Variants in PTPRK observed in about 807,000 individuals in gnomAD.
PTPRK encodes protein tyrosine phosphatase receptor type K.
Under a neutral mutation model 178.0 loss-of-function variants are expected in PTPRK, and 75 were observed. The observed-to-expected ratio is 0.42, with a 90% CI of 0.35 to 0.51. The LOEUF is 0.51. Among genes scored for constraint, PTPRK ranks in the 20% least tolerant of loss-of-function variants. PTPRK has a pLI of 0.02. For synonymous variants in PTPRK, 637 were observed against 620.6 expected (o/e 1.03, Z -0.39); for missense variants, 1,441 against 1,797.8 (o/e 0.80, Z 3.59).
At chr6:128,059,404 GACA>G (rs1273825112) in intron 13 of PTPRK, among the ~76,000 whole-genome samples, 2 of 152,104 alleles carry the variant, frequency 1.3e-5, no homozygotes, top group Admixed American at 1.3e-4. Context: ...CATTATAAAT[GACA>G]ACATCTTAAA....
intron 2 of PTPRK, among the ~76,000 whole-genome samples, chr6:128,395,408 G>A (rs1206763068): frequency 6.6e-6 from 1 of 152,128 alleles, no homozygotes; most frequent in Non-Finnish European, 1.5e-5. Context: ...CACCGATTAA[G>A]CTGTTCATCA....
intron 1 of PTPRK, among the ~76,000 whole-genome samples, chr6:128,444,095 C>T (rs1337264776): frequency 6.6e-6 from 1 of 152,160 alleles, no homozygotes; most frequent in Non-Finnish European, 1.5e-5. Flanking sequence ...TTGTGATCCA[C>T]CTGCCTCGGC....
chr6:128,145,535 C>T (rs1175794163), intron 7 of PTPRK, among the ~76,000 whole-genome samples: 2 of 151,714 alleles, frequency 1.3e-5, no homozygotes, highest in Non-Finnish European at 2.9e-5. Flanking sequence ...ATTGTGTACT[C>T]CCCCATGAAA....
chr6:128,128,210 T>C (rs1793678252), intron 7 of PTPRK, among the ~76,000 whole-genome samples: 1 of 152,336 alleles, frequency 6.6e-6, no homozygotes, highest in South Asian at 2.1e-4. Flanking sequence ...TTTTTTAAAG[T>C]AGCTTTCAAT....
At chr6:128,232,239 A>G (rs1221494206) in intron 5 of PTPRK, 1 of 152,260 alleles carries the variant, frequency 6.6e-6, no homozygotes, top group Non-Finnish European at 1.5e-5. Flanking sequence ...AGTACTATGT[A>G]CACTTCAAGG....
intron 5 of PTPRK, among the ~76,000 whole-genome samples, chr6:128,222,736 A>G (rs896209788): frequency 6.6e-6 from 1 of 152,174 alleles, no homozygotes; most frequent in Admixed American, 6.5e-5. Flanking sequence ...GATTCTTTCA[A>G]CTTTCTATTG....
At chr6:128,233,579 T>G (rs553534400) in intron 5 of PTPRK, among the ~76,000 whole-genome samples, 4 of 152,306 alleles carry the variant, frequency 2.6e-5, no homozygotes, top group Admixed American at 2.6e-4. Flanking sequence ...TATGTGTTGC[T>G]CCATAAGGAA....
At chr6:128,107,947 A>C (rs1789992103) in intron 7 of PTPRK, among the ~76,000 whole-genome samples, 1 of 152,238 alleles carries the variant, frequency 6.6e-6, no homozygotes, top group African/African-American at 2.4e-5. Context: ...ATTTCTTTTC[A>C]TTTGTCAACC....
chr6:128,419,387 C>T (rs561715746), intron 1 of PTPRK, among the ~76,000 whole-genome samples: 2 of 152,078 alleles, frequency 1.3e-5, no homozygotes, highest in East Asian at 1.9e-4. Context: ...CCAAGGCGGG[C>T]GGATCACGAC....
chr6:128,221,651 T>C (rs1382830808), intron 5 of PTPRK, among the ~76,000 whole-genome samples: 1 of 152,158 alleles, frequency 6.6e-6, no homozygotes, highest in Non-Finnish European at 1.5e-5. Context: ...TATATGTTTC[T>C]GCATATGCAT....
intron 3 of PTPRK, among the ~76,000 whole-genome samples, chr6:128,247,205 C>T (rs1815627564): frequency 6.6e-6 from 1 of 152,062 alleles, no homozygotes; most frequent in Non-Finnish European, 1.5e-5. Context: ...ATATGTAATA[C>T]AAGATATTAC....
At chr6:128,061,508 C>A (rs1448670969) in intron 13 of PTPRK, among the ~76,000 whole-genome samples, 1 of 150,918 alleles carries the variant, frequency 6.6e-6, no homozygotes, top group Non-Finnish European at 1.5e-5. Flanking sequence ...TAGCAAGGTT[C>A]TAGCTCTTCA....
intron 13 of PTPRK, among the ~76,000 whole-genome samples, chr6:128,039,426 A>T (rs1776790179): frequency 6.6e-6 from 1 of 152,200 alleles, no homozygotes; most frequent in Non-Finnish European, 1.5e-5. Flanking sequence ...AAATGCCCAC[A>T]TTAAGTAAAT....
chr6:128,029,879 T>C lies in PTPRK; in HGVS notation c.2195-20611A>G, dbSNP rs1775017961. On this transcript the variant is annotated intron_variant, in intron 13 of 29. Coordinates refer to ENST00000368226, the MANE Select transcript of PTPRK (RefSeq NM_002844.4). ...CAAAAATATCACTGCTTAGGTTCCC[T>C]AGAAGCAGAGCCTAAGACAAGGATT... 1.3e-5 allele frequency among the ~76,000 whole-genome samples: 2 copies of C among 152,068 alleles called. 1 individual carries two copies. Among genetic ancestry groups the C allele is most frequent in the South Asian group, 4.1e-4 (2 of 4,828 alleles).
chr6:128,188,500 C>T (rs1477021778), intron 6 of PTPRK, among the ~76,000 whole-genome samples: 1 of 152,092 alleles, frequency 6.6e-6, no homozygotes, highest in African/African-American at 2.4e-5. Flanking sequence ...ACCTCTCAAT[C>T]CTACCTCCTT....
chr6:128,038,995 G>T (rs1346218378), intron 13 of PTPRK, among the ~76,000 whole-genome samples: 1 of 152,068 alleles, frequency 6.6e-6, no homozygotes, highest in Non-Finnish European at 1.5e-5. Flanking sequence ...TGGAGAAATA[G>T]GTATTCTAAC....
chr6:128,348,654 GAGA>G (rs1832731095), intron 2 of PTPRK, among the ~76,000 whole-genome samples: 1 of 151,790 alleles, frequency 6.6e-6, no homozygotes, highest in African/African-American at 2.4e-5. Context: ...TCCATTCTTT[GAGA>G]AGTTTTACTG....
At chr6:128,131,816 A>G (rs17055365) in intron 7 of PTPRK, among the ~76,000 whole-genome samples, 3,411 of 152,278 alleles carry the variant, frequency 0.022, 98 homozygotes, top group African/African-American at 0.048. Context: ...ATTAGAGCCA[A>G]TGAATGCTGT....
rs1843521006 is a variant in PTPRK, at chr6:128,421,842, A to G, written c.101-24154T>C. 3.3e-5 allele frequency among the ~76,000 whole-genome samples: 5 copies of G among 152,358 alleles called. No homozygotes were observed. The South Asian group carries it at 1.0e-3, about 32-fold the overall frequency. On this transcript the variant is annotated intron_variant, in intron 1 of 29. Transcript: ENST00000368226. ...TGTGTTCTTAAAATCCTTCTGGTGT[A>G]AAAAGCATTTGGGTTTCGTTAATGT...
Sources: allele counts gnomAD v4.1 joint callset (sites outside exome capture counted in the v4.1 genomes callset), GRCh38; gene constraint gnomAD v4.1.1; transcripts MANE v1.5; gene names NCBI Gene and HGNC (gene_info 2026-07-23, HGNC 2026-07-21).